Variants in CABYR observed in about 807,000 individuals in gnomAD.
The protein encoded by CABYR is calcium binding tyrosine phosphorylation regulated, also known as calcium-binding tyrosine phosphorylation-regulated protein.
Under a neutral mutation model 36.1 loss-of-function variants are expected in CABYR, and 31 were observed. The observed-to-expected ratio is 0.86, with a 90% CI of 0.64 to 1.16. The LOEUF (loss-of-function observed/expected upper bound fraction) is 1.16, where lower values mean the gene tolerates loss of function less well. CABYR is among the 50% of genes most tolerant of loss of function. CABYR has a pLI of 0.00. For missense variants in CABYR, 429 were observed against 455.8 expected (o/e 0.94, Z 0.53); for synonymous variants, 146 against 160.7 (o/e 0.91, Z 0.69).
chr18:24,140,777 A>G (rs1484263088), intron 1 of CABYR, among the ~76,000 whole-genome samples: 1 of 151,950 alleles, frequency 6.6e-6, no homozygotes, highest in Admixed American at 6.6e-5. Context: ...AGCTCTCACA[A>G]ATAAGAGACC....
chr18:24,150,539 TG>T (rs1313696748), intron 3 of CABYR: 122 of 970,908 alleles, frequency 1.3e-4, no homozygotes, highest in Non-Finnish European at 1.4e-4. Context: ...CTTTGATAGA[TG>T]GTGCAACTAA....
intron 3 of CABYR, among the ~76,000 whole-genome samples, chr18:24,155,012 C>G (rs2085739925): frequency 6.6e-6 from 1 of 152,136 alleles, no homozygotes; most frequent in South Asian, 2.1e-4. Context: ...TAAAAAAAAT[C>G]CTATAGTCCT....
At chr18:24,140,874 C>G (rs984232713) in intron 1 of CABYR, among the ~76,000 whole-genome samples, 7 of 152,132 alleles carry the variant, frequency 4.6e-5, no homozygotes, top group African/African-American at 1.4e-4. Flanking sequence ...ATGACAGGAT[C>G]TCATTCTTTT....
At chr18:24,151,498 C>T (rs574853676) in intron 3 of CABYR, among the ~76,000 whole-genome samples, 5 of 152,222 alleles carry the variant, frequency 3.3e-5, no homozygotes, top group East Asian at 1.9e-4. Context: ...TACAAGTCAG[C>T]GACTGTTGTA....
chr18:24,146,709 A>G (rs2085467493), intron 3 of CABYR, among the ~76,000 whole-genome samples: 1 of 152,208 alleles, frequency 6.6e-6, no homozygotes, highest in Non-Finnish European at 1.5e-5. Context: ...ACACACAGGT[A>G]CATCACAGCT....
chr18:24,152,187 T>G (rs1281366198), intron 3 of CABYR, among the ~76,000 whole-genome samples: 1 of 152,238 alleles, frequency 6.6e-6, no homozygotes, highest in African/African-American at 2.4e-5. Flanking sequence ...ATTTTTAATT[T>G]GATATCACAT....
At chr18:24,150,115 A>G (rs1455367640) in intron 3 of CABYR, among the ~76,000 whole-genome samples, 1 of 152,250 alleles carries the variant, frequency 6.6e-6, no homozygotes, top group African/African-American at 2.4e-5. Flanking sequence ...TCACTTCTCA[A>G]TGGGGTGAGG....
rs114331888 is a variant in CABYR, at chr18:24,145,935, A to C, written c.199+2522A>C. Among the ~76,000 whole-genome samples the C allele has an allele frequency of 3.8e-3, 586 of 152,292 alleles. 3 individuals carry two copies. Among genetic ancestry groups the C allele is most frequent in the African/African-American group, 0.014 (569 of 41,550 alleles). ...CCCACTTCAACAGAATTTAGAATCA[A>C]ATCTCAAGAGGATCAAATTGATTTG... is the stretch of plus-strand genomic sequence containing the variant. On this transcript the variant is annotated intron_variant, in intron 3 of 5. Coordinates refer to ENST00000399496, the MANE Select transcript of CABYR (RefSeq NM_153769.3).
rs58681992 is a variant in CABYR, at chr18:24,141,611, G to C, written c.-24-1480G>C. 6.4e-3 allele frequency among the ~76,000 whole-genome samples: 971 copies of C among 152,288 alleles called. 39 individuals are homozygous for C. In the East Asian group the frequency reaches 0.12, roughly 19 times the overall value. On this transcript the variant is annotated intron_variant, in intron 1 of 5. Transcript: ENST00000399496. Reference sequence around the variant, plus strand: ...AGTGAAGGAGCTATGGCATGCATTGGAGTGCTAACTTTACCTGTAGCTTCA... The same window carrying C: ...AGTGAAGGAGCTATGGCATGCATTGCAGTGCTAACTTTACCTGTAGCTTCA...
At chr18:24,148,496 A>G (rs2085513534) in intron 3 of CABYR, 1 of 153,012 alleles carries the variant, frequency 6.5e-6, no homozygotes, top group Admixed American at 6.5e-5. Flanking sequence ...GAGGTTTGGT[A>G]AAAATGTGGG....
intron 1 of CABYR, among the ~76,000 whole-genome samples, chr18:24,141,780 T>G (rs2085327046): frequency 6.6e-6 from 1 of 152,170 alleles, no homozygotes; most frequent in Non-Finnish European, 1.5e-5. Flanking sequence ...CTCTGAGAAT[T>G]ACAGGTTGGT....
intron 3 of CABYR, among the ~76,000 whole-genome samples, chr18:24,154,367 G>C (rs1231083757): frequency 6.6e-6 from 1 of 152,176 alleles, no homozygotes; most frequent in Non-Finnish European, 1.5e-5. Flanking sequence ...GGATGGGAAA[G>C]TCCTGAAGAG....
At chr18:24,159,337 C>A (rs2145887461) in intron 4 of CABYR, 135 bp from the exon 5 acceptor site, 1 of 664,152 alleles carries the variant, frequency 1.5e-6, no homozygotes. Flanking sequence ...ATTATGCAGC[C>A]CTCTCTATAG....
At chr18:24,150,768 G>GTTTTTTTT (rs145208159) in intron 3 of CABYR, 1 of 123,092 alleles carries the variant, frequency 8.1e-6, no homozygotes, top group Non-Finnish European at 1.5e-5. Flanking sequence ...CAGTTTTTTT[G>GTTTTTTTT]TTTTTTTGTT....
intron 3 of CABYR, among the ~76,000 whole-genome samples, chr18:24,147,838 G>C (rs1011546233): frequency 4.6e-5 from 7 of 152,154 alleles, no homozygotes; most frequent in Non-Finnish European, 1.0e-4. Context: ...CCTCATATCA[G>C]TTAGGAAAGC....
intron 4 of CABYR, 74 bp from the exon 5 acceptor site, chr18:24,159,398 T>TA: frequency 1.0e-6 from 1 of 1,004,592 alleles, no homozygotes; most frequent in Non-Finnish European, 1.5e-6. Flanking sequence ...AAAAGAGACT[T>TA]ACAAAGACAT....
Position 24,159,703 on chromosome 18 carries a change from C to T in CABYR, c.773C>T (p.Pro258Leu). 1 of 1,613,976 alleles carries T rather than the reference C, an allele frequency of 6.2e-7. No homozygotes were observed. The highest frequency in any genetic ancestry group is 8.5e-7 in the Non-Finnish European group (1 of 1,179,982). The change falls in exon 5 of 6, where the codon CCA becomes CTA. Residue 258 changes from proline (P) to leucine (L), a missense_variant. Physicochemically the swap from Pro to Leu is moderately conservative, Grantham distance 98. Transcript: ENST00000399496. ...VMGDTKKTSA[P>L]PFILVGSNVQ... ...GGCGACACCAAGAAGACCAGTGCCCCACCTTTTATCTTAGTAGGCTCAAAT... is the reference window on the plus strand; with the variant it reads ...GGCGACACCAAGAAGACCAGTGCCCTACCTTTTATCTTAGTAGGCTCAAAT...
intron 5 of CABYR, 51 bp from the exon 6 acceptor site, chr18:24,161,465 C>A: frequency 1.3e-6 from 1 of 776,622 alleles, no homozygotes; most frequent in South Asian, 1.4e-5. Context: ...TTCACATGTT[C>A]GGTTTCATGT....
At chr18:24,153,542 G>A (rs2085692575) in intron 3 of CABYR, among the ~76,000 whole-genome samples, 1 of 152,108 alleles carries the variant, frequency 6.6e-6, no homozygotes, top group Non-Finnish European at 1.5e-5. Flanking sequence ...ACCAGCTGGT[G>A]TGATGGCAGC....
Sources: allele counts gnomAD v4.1 joint callset (sites outside exome capture counted in the v4.1 genomes callset), GRCh38; gene constraint gnomAD v4.1.1; transcripts MANE v1.5; gene names NCBI Gene and HGNC (gene_info 2026-07-23, HGNC 2026-07-21).